CHSY3: variants seen among roughly 807,000 people sequenced by gnomAD.
The protein encoded by CHSY3 is N-acetylgalactosaminyl-proteoglycan 3-beta-glucuronosyltransferase 3.
In CHSY3, 35 loss-of-function variants were observed where a neutral mutation model predicts 67.2. That is an observed-to-expected ratio of 0.52 (90% CI 0.40 to 0.69). CHSY3 has a LOEUF of 0.69. CHSY3 is among the 30% of genes least tolerant of loss of function. The pLI, the probability that CHSY3 is intolerant of heterozygous loss-of-function variation, is 0.00. For missense variants in CHSY3, 1,069 were observed against 1,138.5 expected (o/e 0.94, Z 0.88); for synonymous variants, 474 against 434.7 (o/e 1.09, Z -1.12).
At chr5:130,088,108 G>A (rs1766724131) in intron 2 of CHSY3, among the ~76,000 whole-genome samples, 1 of 152,090 alleles carries the variant, frequency 6.6e-6, no homozygotes, top group Non-Finnish European at 1.5e-5. Context: ...AGAAAAACAA[G>A]CAATGGGGAA....
At chr5:130,144,077 A>G (rs1407956839) in intron 2 of CHSY3, among the ~76,000 whole-genome samples, 1 of 151,072 alleles carries the variant, frequency 6.6e-6, no homozygotes. Context: ...GTGGCCTTAG[A>G]TTTCTATGCT....
chr5:130,185,003 G>T lies in CHSY3; in HGVS notation c.1861G>T (p.Val621Leu), dbSNP rs1351874653. Reference protein sequence around the residue: ...KEMGGHNEKKVHILVPLIGRY... With the variant: ...KEMGGHNEKKLHILVPLIGRY... ...AATGGGAGGGCACAATGAAAAGAAA[G>T]TACACATTCTCGTTCCTCTCATCGG... The change falls in exon 3 of 3, where the codon GTA becomes TTA. Residue 621 changes from valine to leucine, a missense_variant. Around this residue, in one of 5 missense-constraint regions of CHSY3, gnomAD observed 401 missense variants for 395.2 expected, o/e 1.01. Coordinates refer to ENST00000305031, the MANE Select transcript of CHSY3 (RefSeq NM_175856.5). 1.3e-6 allele frequency: 2 copies of T among 1,562,890 alleles called. No individual in the cohort carries two copies. Among genetic ancestry groups the T allele is most frequent in the African/African-American group, 1.4e-5 (1 of 73,710 alleles).
At chr5:129,954,903 C>T (rs1223660776) in intron 2 of CHSY3, among the ~76,000 whole-genome samples, 2 of 152,122 alleles carry the variant, frequency 1.3e-5, no homozygotes, top group Non-Finnish European at 2.9e-5. Context: ...GAGTCTCGCT[C>T]TGCCACCCAG....
chr5:130,004,077 A>G (rs1040613614), intron 2 of CHSY3, among the ~76,000 whole-genome samples: 3 of 152,224 alleles, frequency 2.0e-5, no homozygotes, highest in Non-Finnish European at 4.4e-5. Context: ...TAAATTAGAT[A>G]TATTTCAGGG....
intron 2 of CHSY3, among the ~76,000 whole-genome samples, chr5:130,021,928 C>T (rs542143899): frequency 6.6e-6 from 1 of 152,116 alleles, no homozygotes; most frequent in East Asian, 1.9e-4. Context: ...TAATTATGTG[C>T]CATCTATTGG....
chr5:129,906,875 GT>G (rs1248416725), intron 1 of CHSY3, among the ~76,000 whole-genome samples: 1 of 117,432 alleles, frequency 8.5e-6, no homozygotes, highest in East Asian at 2.8e-4. Context: ...AACCCAAACT[GT>G]TGCATTTTGG....
At chr5:129,952,703 C>T (rs1008755060) in intron 2 of CHSY3, among the ~76,000 whole-genome samples, 1 of 152,038 alleles carries the variant, frequency 6.6e-6, no homozygotes, top group Non-Finnish European at 1.5e-5. Flanking sequence ...CTTTTGCATC[C>T]ACTAGGAAAG....
At chr5:129,912,590 T>G (rs1760603304) in intron 2 of CHSY3, among the ~76,000 whole-genome samples, 1 of 152,226 alleles carries the variant, frequency 6.6e-6, no homozygotes, top group Non-Finnish European at 1.5e-5. Flanking sequence ...TGGTGATAGA[T>G]AAAATAAATT....
intron 2 of CHSY3, among the ~76,000 whole-genome samples, chr5:130,102,594 G>A (rs751621362): frequency 6.6e-6 from 1 of 151,832 alleles, no homozygotes; most frequent in Non-Finnish European, 1.5e-5. Context: ...TTTCAGATGG[G>A]GCTAGTCACA....
intron 2 of CHSY3, among the ~76,000 whole-genome samples, chr5:130,098,126 G>A (rs1342485701): frequency 6.6e-6 from 1 of 152,138 alleles, no homozygotes; most frequent in Non-Finnish European, 1.5e-5. Context: ...TCAAGGTATT[G>A]ATATTGGCAC....
At chr5:130,069,222 A>G (rs1012049564) in intron 2 of CHSY3, among the ~76,000 whole-genome samples, 2 of 152,184 alleles carry the variant, frequency 1.3e-5, no homozygotes, top group African/African-American at 2.4e-5. Context: ...CTTCTTGGAC[A>G]TGGGATGTAA....
At chr5:130,080,191 A>G (rs185365709) in intron 2 of CHSY3, among the ~76,000 whole-genome samples, 2 of 152,140 alleles carry the variant, frequency 1.3e-5, no homozygotes, top group South Asian at 2.1e-4. Context: ...ATACTATACT[A>G]TATAATATAA....
In CHSY3 at chr5:129,918,824, T is replaced by A. The variant is rs1418870340; in HGVS notation, c.1086+10464T>A. On this transcript the variant is annotated intron_variant, in intron 2 of 2. Transcript: ENST00000305031. ...ATTCTCTTTTAAAAAAAAAAAAAAA[T>A]TGGCCGGGCGCGGTGGCTCACGCCT... 1.1e-3 allele frequency among the ~76,000 whole-genome samples: 140 copies of A among 123,700 alleles called. 1 individual carries two copies. The highest frequency in any genetic ancestry group is 3.8e-3 in the African/African-American group (135 of 35,460). 81.2% of individuals were successfully genotyped at this position (123,700 alleles called of 152,430 possible). A position where few individuals can be genotyped will look rare whatever the true frequency, so the allele number is the denominator to read the frequency against.
rs200280059 is a variant in CHSY3 at position 129,956,509 on chromosome 5, AT to A, written c.1086+48152del. On this transcript the variant is annotated intron_variant, in intron 2 of 2. Transcript: ENST00000305031. ...TTATATCTCATCCTGTGGGTTGTGT[AT>A]TTACTCAGTTGATAGTTTCTTTTGC... 6.8e-3 allele frequency among the ~76,000 whole-genome samples: 1,041 copies of A among 152,090 alleles called. 33 individuals are homozygous for A. The highest frequency in any genetic ancestry group is 0.052 in the East Asian group (267 of 5,174).
chr5:129,993,117 A>G (rs1204256401), intron 2 of CHSY3, among the ~76,000 whole-genome samples: 1 of 152,188 alleles, frequency 6.6e-6, no homozygotes, highest in Non-Finnish European at 1.5e-5. Flanking sequence ...GTGCTATTTC[A>G]GATGAGAAAA....
At chr5:129,921,158 T>G (rs537727728) in intron 2 of CHSY3, among the ~76,000 whole-genome samples, 2 of 152,224 alleles carry the variant, frequency 1.3e-5, no homozygotes, top group Admixed American at 6.5e-5. Flanking sequence ...ACCTTTTCAC[T>G]CCTAGGAGAC....
chr5:130,143,215 G>T (rs530675666), intron 2 of CHSY3, among the ~76,000 whole-genome samples: 2 of 152,194 alleles, frequency 1.3e-5, no homozygotes, highest in South Asian at 4.2e-4. Context: ...TTTGATCATT[G>T]TCACAACTTG....
rs556563936 is a variant in CHSY3 at position 130,028,306 on chromosome 5, A to G, written c.1086+119946A>G. ...GTAACCACATGGTACTGGTACCAAA[A>G]CAGAGATATAGACCAATGGAACAGA... On this transcript the variant is annotated intron_variant, in intron 2 of 2. Coordinates refer to ENST00000305031, the MANE Select transcript of CHSY3 (RefSeq NM_175856.5). 2.6e-5 allele frequency among the ~76,000 whole-genome samples: 4 copies of G among 152,294 alleles called. No homozygotes were observed. The South Asian group carries it at 8.3e-4, about 32-fold the overall frequency.
intron 2 of CHSY3, among the ~76,000 whole-genome samples, chr5:130,143,796 A>ATGTGTGTGTGTATG (rs1380370057): frequency 8.7e-5 from 8 of 92,250 alleles, no homozygotes; most frequent in African/African-American, 4.0e-4. Context: ...ATATATATAT[A>ATGTGTGTGTGTATG]TATATATATG....
Sources: allele counts gnomAD v4.1 joint callset (sites outside exome capture counted in the v4.1 genomes callset), GRCh38; gene constraint gnomAD v4.1.1; regional missense constraint gnomAD v4.1.1; transcripts MANE v1.5; gene names NCBI Gene and HGNC (gene_info 2026-07-23, HGNC 2026-07-21).